Variants in CFAP77 observed in about 807,000 individuals in gnomAD.
The protein encoded by CFAP77 is cilia- and flagella-associated protein 77.
Under a neutral mutation model 31.1 loss-of-function variants are expected in CFAP77, and 25 were observed. The ratio of observed to expected loss-of-function variants is 0.80; its 90% CI spans 0.59 to 1.12. The LOEUF (loss-of-function observed/expected upper bound fraction) is 1.12. Among genes scored for constraint, CFAP77 ranks in the 50% most tolerant of loss-of-function variants. CFAP77 has a pLI of 0.00. For missense variants in CFAP77, 377 were observed against 397.3 expected (o/e 0.95, Z 0.44); for synonymous variants, 151 against 159.9 (o/e 0.94, Z 0.42).
At position 132,495,947 on chromosome 9, in the gene CFAP77, C is replaced by T. The variant is rs934372479; in HGVS notation, c.196-2748C>T. Among the ~76,000 whole-genome samples the T allele has an allele frequency of 1.3e-5, 2 of 152,194 alleles. No individual in the cohort carries two copies. Among genetic ancestry groups the T allele is most frequent in the East Asian group, 1.9e-4 (1 of 5,206 alleles). The stretch of plus-strand genomic sequence containing the variant: ...TCTAGATCTTGGACTTCCCAGCCTC[C>T]AGAACTTTGAGAAATAAATGTCTAT... On this transcript the variant is annotated intron_variant, in intron 1 of 5. Transcript: ENST00000393216. The surrounding 1 kb of genome is among the most constrained non-coding windows in gnomAD (Gnocchi z 4.2).
chr9:132,529,564 C>T (rs193177461), intron 3 of CFAP77, among the ~76,000 whole-genome samples: 4 of 150,794 alleles, frequency 2.7e-5, no homozygotes, highest in African/African-American at 9.7e-5. Flanking sequence ...CGGTGGCTCA[C>T]GCCTGTAATC....
chr9:132,483,554 C>T (rs530190883), intron 1 of CFAP77, among the ~76,000 whole-genome samples: 1 of 152,312 alleles, frequency 6.6e-6, no homozygotes, highest in African/African-American at 2.4e-5. Context: ...CTCCTTCCCC[C>T]ACCACAGCCT....
At position 132,469,599 on chromosome 9, in the gene CFAP77, C is replaced by A. The variant is rs920132681; in HGVS notation, c.196-29096C>A. On this transcript the variant is annotated intron_variant, in intron 1 of 5. Transcript: ENST00000393216. ...AGAAAAGGGGAGTTATCTGCAAAGT[C>A]CATGCATCACTTATGGGCTTCAGCA... Among the ~76,000 whole-genome samples, 3 of 152,126 alleles carry A rather than the reference C, an allele frequency of 2.0e-5. No homozygotes were observed. In the East Asian group the frequency reaches 5.8e-4, roughly 29 times the overall value.
At chr9:132,479,232 C>T (rs1851403285) in intron 1 of CFAP77, among the ~76,000 whole-genome samples, 1 of 152,184 alleles carries the variant, frequency 6.6e-6, no homozygotes, top group Non-Finnish European at 1.5e-5. Context: ...AGAAGCCACC[C>T]ATTAAAGCAT....
At chr9:132,432,169 C>T (rs959370489) in intron 1 of CFAP77, among the ~76,000 whole-genome samples, 6 of 152,294 alleles carry the variant, frequency 3.9e-5, no homozygotes, top group Non-Finnish European at 8.8e-5. Context: ...GGCCCAGAGT[C>T]CTCTCTTAGA....
intron 5 of CFAP77, among the ~76,000 whole-genome samples, chr9:132,568,814 C>T (rs1419715195): frequency 6.6e-6 from 1 of 152,118 alleles, no homozygotes; most frequent in East Asian, 1.9e-4. Flanking sequence ...ATCCTCCCAT[C>T]TCAGCCTCCC....
intron 5 of CFAP77, among the ~76,000 whole-genome samples, chr9:132,568,248 C>G (rs1245203227): frequency 6.6e-6 from 1 of 152,130 alleles, no homozygotes; most frequent in African/African-American, 2.4e-5. Context: ...AACGCTGTGC[C>G]TAGAGTTAAT....
At chr9:132,504,762 T>C (rs1011393816) in intron 3 of CFAP77, among the ~76,000 whole-genome samples, 1 of 150,286 alleles carries the variant, frequency 6.7e-6, no homozygotes, top group Non-Finnish European at 1.5e-5. Flanking sequence ...GGAAAAGCTT[T>C]TACTGAGATG....
intron 1 of CFAP77, among the ~76,000 whole-genome samples, chr9:132,451,269 C>T (rs1262978641): frequency 6.7e-6 from 1 of 148,878 alleles, no homozygotes; most frequent in African/African-American, 2.5e-5. Flanking sequence ...ACCTGGGAGG[C>T]GGAGGTTGCA....
chr9:132,415,445 C>T (rs1433533829), intron 1 of CFAP77, among the ~76,000 whole-genome samples: 1 of 152,206 alleles, frequency 6.6e-6, no homozygotes, highest in African/African-American at 2.4e-5. Context: ...GGGGCAGCCA[C>T]TGCCCTGCCG....
intron 1 of CFAP77, among the ~76,000 whole-genome samples, chr9:132,433,461 C>T (rs1486385891): frequency 6.6e-6 from 1 of 152,156 alleles, no homozygotes; most frequent in Non-Finnish European, 1.5e-5. Flanking sequence ...TAGCCACCTG[C>T]CTGTGGGCAG....
At chr9:132,431,320 C>A (rs1045600812) in intron 1 of CFAP77, among the ~76,000 whole-genome samples, 1 of 152,142 alleles carries the variant, frequency 6.6e-6, no homozygotes, top group Admixed American at 6.5e-5. Flanking sequence ...AATCCAGAGT[C>A]TCTACAATGG....
chr9:132,532,085 G>C (rs1172412861), intron 3 of CFAP77, among the ~76,000 whole-genome samples: 1 of 152,086 alleles, frequency 6.6e-6, no homozygotes, highest in Non-Finnish European at 1.5e-5. Flanking sequence ...AGTAATAAAA[G>C]TCACCGCAGG....
At chr9:132,411,006 A>G (rs909574502) in intron 1 of CFAP77, among the ~76,000 whole-genome samples, 3 of 152,202 alleles carry the variant, frequency 2.0e-5, no homozygotes, top group African/African-American at 7.2e-5. Context: ...ACCCTAAGAG[A>G]AAAAAAGCAT....
At chr9:132,427,695 G>T (rs78370796) in intron 1 of CFAP77, among the ~76,000 whole-genome samples, 3 of 152,124 alleles carry the variant, frequency 2.0e-5, no homozygotes, top group Non-Finnish European at 4.4e-5. Context: ...CCTGAGAGCC[G>T]TGAGGGAAGG....
At chr9:132,547,381 C>G (rs1852749626) in intron 5 of CFAP77, among the ~76,000 whole-genome samples, 1 of 152,208 alleles carries the variant, frequency 6.6e-6, no homozygotes, top group Admixed American at 6.5e-5. Flanking sequence ...TATGTGTGCA[C>G]CACGCTCAGC....
At chr9:132,426,688 C>T (rs562325937) in intron 1 of CFAP77, among the ~76,000 whole-genome samples, 12 of 152,320 alleles carry the variant, frequency 7.9e-5, no homozygotes, top group South Asian at 4.1e-4. Context: ...GAGATTCCCC[C>T]GCCCCTGTAC....
chr9:132,546,465 G>A (rs553476126), intron 5 of CFAP77, among the ~76,000 whole-genome samples: 4 of 150,338 alleles, frequency 2.7e-5, no homozygotes, highest in East Asian at 2.0e-4. Flanking sequence ...GACTCTCCCC[G>A]CTCACGAGCA....
rs7874758 is a variant in CFAP77 at position 132,554,982 on chromosome 9, A to G, written c.732+11935A>G. ...CATCCATCCATCCATCCATCCATCCATCCATCCTCAGCCATCTGTCCATCT... is the reference window on the plus strand; with the variant it reads ...CATCCATCCATCCATCCATCCATCCGTCCATCCTCAGCCATCTGTCCATCT... On this transcript the variant is annotated intron_variant, in intron 5 of 5. Transcript: ENST00000393216. This position sits in a 1 kb window ranked among gnomAD's most constrained non-coding sequence, Gnocchi z 4.1. Among the ~76,000 whole-genome samples, 20 of 140,736 alleles carry G rather than the reference A, an allele frequency of 1.4e-4. No individual in the cohort carries two copies. Among genetic ancestry groups the G allele is most frequent in the African/African-American group, 4.7e-4 (17 of 36,310 alleles). The allele number at this position is 140,736 out of a possible 152,430, so 92.3% of individuals were successfully genotyped here. A position where few individuals can be genotyped will look rare whatever the true frequency, so the allele number is the denominator to read the frequency against.
Sources: allele counts gnomAD v4.1 joint callset (sites outside exome capture counted in the v4.1 genomes callset), GRCh38; gene constraint gnomAD v4.1.1; non-coding constraint Gnocchi (gnomAD v3.1); transcripts MANE v1.5; gene names NCBI Gene and HGNC (gene_info 2026-07-23, HGNC 2026-07-21).